CMC2: variants seen among roughly 807,000 people sequenced by gnomAD.
The protein encoded by CMC2 is COX assembly mitochondrial protein 2 homolog.
Under a neutral mutation model 7.5 loss-of-function variants are expected in CMC2, and 5 were observed. The ratio of observed to expected loss-of-function variants is 0.66; its 90% CI spans 0.35 to 1.40. The LOEUF (loss-of-function observed/expected upper bound fraction) is 1.40, where lower values mean the gene tolerates loss of function less well. Among genes scored for constraint, CMC2 ranks in the 40% most tolerant of loss-of-function variants. The pLI, the probability that CMC2 is intolerant of heterozygous loss-of-function variation, is 0.04. For synonymous variants in CMC2, 37 were observed against 31.4 expected, an observed-to-expected ratio of 1.18 and a Z score of -0.60; for missense variants, 115 against 92.3, an observed-to-expected ratio of 1.25 and a Z score of -1.01.
chr16:80,998,815 T>C (rs546881593), intron 1 of CMC2: 1 of 152,302 alleles, frequency 6.6e-6, no homozygotes, highest in South Asian at 2.1e-4. Flanking sequence ...ATAAATGTGA[T>C]TCTCCACACA....
chr16:80,986,380 G>C (rs759658257), intron 2 of CMC2, among the ~76,000 whole-genome samples: 1 of 151,462 alleles, frequency 6.6e-6, no homozygotes, highest in African/African-American at 2.4e-5. Flanking sequence ...ATAAAATGCA[G>C]ATTCCTAACA....
At chr16:80,985,055 C>T (rs187980013) in intron 2 of CMC2, among the ~76,000 whole-genome samples, 2 of 152,246 alleles carry the variant, frequency 1.3e-5, no homozygotes, top group African/African-American at 4.8e-5. Context: ...ACATAAAGAA[C>T]AATGTCCCAG....
chr16:80,979,059 T>C (rs576234968), intron 3 of CMC2, among the ~76,000 whole-genome samples: 18 of 150,986 alleles, frequency 1.2e-4, no homozygotes, highest in Admixed American at 9.2e-4. Flanking sequence ...CCAGCCTGGG[T>C]GACAGAGTGA....
Position 81,006,803 on chromosome 16 carries a change from C to G in CMC2, c.-105G>C, listed in dbSNP as rs116659561. On this transcript the variant is annotated 5_prime_UTR_variant, in exon 1 of 4. Coordinates refer to ENST00000219400, the MANE Select transcript of CMC2 (RefSeq NM_020188.5). ...CGGAGACGCCCGACCCGAAGGCCGG[C>G]TGCTAGGGAGCAGACAGCTGAACCG... 5.3e-3 allele frequency: 5,218 copies of G among 985,624 alleles called. 221 individuals are homozygous for G. In the African/African-American group the frequency reaches 0.085, roughly 16 times the overall value. 61.1% of individuals were successfully genotyped at this position (985,624 alleles called of 1,614,324 possible).
At position 80,967,152 on chromosome 16, in the gene CMC2, G is replaced by C. The variant is rs7203109; in HGVS notation, c.*8941C>G. ...AGGAATAATGTGGTGTCTGCCCAGA[G>C]AGGTGTCAGCCCAGAGAGCTTTCAG... On this transcript the variant is annotated 3_prime_UTR_variant, in exon 4 of 4. Transcript: ENST00000219400. The C allele has an allele frequency of 2.6e-5, 4 of 152,170 alleles. No individual in the cohort carries two copies. The highest frequency in any genetic ancestry group is 2.1e-4 in the South Asian group (1 of 4,822). 9.4% of individuals were successfully genotyped at this position (152,170 alleles called of 1,614,324 possible).
chr16:80,997,466 C>G, intron 1 of CMC2, 37 bp from the exon 2 acceptor site: 1 of 1,047,936 alleles, frequency 9.5e-7, no homozygotes, highest in Non-Finnish European at 1.5e-6. Context: ...TGCATAAACA[C>G]ATTTGTTACG....
chr16:80,993,060 A>G (rs973945015), intron 2 of CMC2, among the ~76,000 whole-genome samples: 2 of 152,142 alleles, frequency 1.3e-5, no homozygotes, highest in African/African-American at 4.8e-5. Flanking sequence ...CATTTTTGAC[A>G]TTTAGATGTC....
chr16:81,004,173 G>C (rs1304853455), intron 1 of CMC2, among the ~76,000 whole-genome samples: 1 of 152,184 alleles, frequency 6.6e-6, no homozygotes, highest in Admixed American at 6.5e-5. Context: ...AGTGAGCTGA[G>C]ATGGCACCAC....
At chr16:80,976,484 A>G (rs990908398) in intron 3 of CMC2, among the ~76,000 whole-genome samples, 18 of 152,224 alleles carry the variant, frequency 1.2e-4, no homozygotes, top group Admixed American at 3.9e-4. Flanking sequence ...TTTGAATTAA[A>G]TAAGTACTGA....
At chr16:80,997,012 T>G (rs937889316) in intron 2 of CMC2, 1 of 484,476 alleles carries the variant, frequency 2.1e-6, no homozygotes, top group Non-Finnish European at 3.9e-6. Flanking sequence ...ATATAACTGT[T>G]CTAGTGCCCT....
At position 80,969,456 on chromosome 16, in the gene CMC2, G is replaced by C. The variant is rs1242002743; in HGVS notation, c.*6637C>G. 1 of 152,250 alleles carries C rather than the reference G, an allele frequency of 6.6e-6. No homozygotes were observed. The highest frequency in any genetic ancestry group is 1.5e-5 in the Non-Finnish European group (1 of 68,076). 9.4% of individuals were successfully genotyped at this position (152,250 alleles called of 1,614,324 possible). A position where few individuals can be genotyped will look rare whatever the true frequency, so the allele number is the denominator to read the frequency against. The stretch of plus-strand genomic sequence containing the variant: ...TTCAGTAAATGGGGCCCACAGGAAG[G>C]TCTGAAGGGGCTGGAACAATTTAGC... On this transcript the variant is annotated 3_prime_UTR_variant, in exon 4 of 4. Transcript: ENST00000219400.
chr16:80,991,135 A>G (rs911073131), intron 2 of CMC2, among the ~76,000 whole-genome samples: 2 of 152,070 alleles, frequency 1.3e-5, no homozygotes, highest in Non-Finnish European at 2.9e-5. Flanking sequence ...AACCCAAGGT[A>G]TAAAGTAAAT....
chr16:80,992,209 C>T (rs1053011165), intron 2 of CMC2, among the ~76,000 whole-genome samples: 5 of 152,144 alleles, frequency 3.3e-5, no homozygotes, highest in African/African-American at 1.2e-4. Flanking sequence ...AATTACAAAA[C>T]AGCTGTATAG....
chr16:81,001,863 CA>C (rs1330081629), intron 1 of CMC2, among the ~76,000 whole-genome samples: 2 of 151,242 alleles, frequency 1.3e-5, no homozygotes, highest in African/African-American at 4.9e-5. Context: ...CACACACACA[CA>C]CCACAGCTGA....
intron 2 of CMC2, among the ~76,000 whole-genome samples, chr16:80,984,330 A>C (rs1286342974): frequency 6.6e-6 from 1 of 152,202 alleles, no homozygotes; most frequent in Non-Finnish European, 1.5e-5. Context: ...TAATAAGCAC[A>C]TCTTTTCCTT....
At position 81,003,762 on chromosome 16, in the gene CMC2, T is replaced by C. The variant is rs377524102; in HGVS notation, c.-36+2972A>G. ...TAATACTATCCTGTAAGTGTGGAAA[T>C]AGTGAGTCTGTCAAGACACAAAAAA... On this transcript the variant is annotated intron_variant, in intron 1 of 3. Coordinates refer to ENST00000219400, the MANE Select transcript of CMC2 (RefSeq NM_020188.5). 8.2e-5 allele frequency among the ~76,000 whole-genome samples: 12 copies of C among 146,770 alleles called. No homozygotes were observed. The East Asian group carries it at 1.6e-3, about 19-fold the overall frequency.
At chr16:80,996,024 G>A (rs941780254) in intron 2 of CMC2, among the ~76,000 whole-genome samples, 14 of 151,496 alleles carry the variant, frequency 9.2e-5, no homozygotes, top group African/African-American at 2.9e-4. Context: ...AAACAACAAC[G>A]TTTAAATAGA....
chr16:80,980,746 T>G (rs1341512143), intron 3 of CMC2: 1 of 671,286 alleles, frequency 1.5e-6, no homozygotes, highest in African/African-American at 1.8e-5. Context: ...GTGTAAAACC[T>G]TAACCAGGCA....
At chr16:80,995,219 G>C (rs1227053955) in intron 2 of CMC2, among the ~76,000 whole-genome samples, 3 of 148,504 alleles carry the variant, frequency 2.0e-5, no homozygotes, top group East Asian at 3.9e-4. Context: ...CTGTTTATTT[G>C]CCTAAATGTC....
Sources: gnomAD v4.1 joint callset for allele counts (sites outside exome capture counted in the v4.1 genomes callset) on GRCh38, gnomAD v4.1.1 for gene constraint, MANE v1.5 for transcripts, NCBI Gene and HGNC (gene_info 2026-07-23, HGNC 2026-07-21) for gene names.